APBB1: variants seen among roughly 807,000 people sequenced by gnomAD.
APBB1 encodes amyloid beta precursor protein binding family B member 1.
A neutral mutation model predicts 78.4 loss-of-function variants in APBB1; 22 were observed. The ratio of observed to expected loss-of-function variants is 0.28; its 90% CI spans 0.20 to 0.40. APBB1 has a LOEUF of 0.40. APBB1 is among the 10% of genes least tolerant of loss of function. The probability of loss-of-function intolerance (pLI) is 1.00; values close to 1 mark genes in which losing one functional copy is unlikely to be tolerated. For missense variants in APBB1, 749 were observed against 932.4 expected, an observed-to-expected ratio of 0.80 and a Z score of 2.56; for synonymous variants, 369 against 372.7, an observed-to-expected ratio of 0.99 and a Z score of 0.12.
At chr11:6,416,886 C>T (rs1354852085) in intron 1 of APBB1, among the ~76,000 whole-genome samples, 1 of 152,104 alleles carries the variant, frequency 6.6e-6, no homozygotes, top group Non-Finnish European at 1.5e-5. Flanking sequence ...GGATTACAGG[C>T]ACACACCACC....
At position 6,403,105 on chromosome 11, in the gene APBB1, A is replaced by T. The variant is rs1482495571; in HGVS notation, c.1104+40T>A. The T allele has an allele frequency of 6.4e-7, 1 of 1,559,500 alleles. No individual in the cohort carries two copies. Among genetic ancestry groups the T allele is most frequent in the Admixed American group, 1.9e-5 (1 of 52,756 alleles). Reference sequence around the variant, plus strand: ...CATTAGGGGCTGTCTGACAAATAAGAGGGCCCCAGACTCAGAATGGGTGTC... The same window carrying T: ...CATTAGGGGCTGTCTGACAAATAAGTGGGCCCCAGACTCAGAATGGGTGTC... On this transcript the variant is annotated intron_variant, in intron 6 of 14. Transcript: ENST00000609360. This position sits in a 1 kb window ranked among gnomAD's most constrained non-coding sequence, Gnocchi z 5.3.
At chr11:6,417,217 T>C (rs553081216) in intron 1 of APBB1, among the ~76,000 whole-genome samples, 55 of 152,348 alleles carry the variant, frequency 3.6e-4, no homozygotes, top group African/African-American at 1.1e-3. Context: ...TTTCCATGCT[T>C]CCTGGGACCT....
chr11:6,396,791 G>A (rs913766749), intron 12 of APBB1, among the ~76,000 whole-genome samples: 4 of 152,130 alleles, frequency 2.6e-5, no homozygotes, highest in African/African-American at 7.2e-5. Context: ...AGGTCACATC[G>A]AGGAATGGGG....
Position 6,401,833 on chromosome 11 carries a change from G to T in APBB1, c.1388+144C>A, listed in dbSNP as rs77776071. The T allele has an allele frequency of 5.3e-5, 75 of 1,423,210 alleles. No individual in the cohort carries two copies. Among genetic ancestry groups the T allele is most frequent in the Middle Eastern group, 1.7e-4 (1 of 5,784 alleles). The allele number at this position is 1,423,210 out of a possible 1,614,324, so 88.2% of individuals were successfully genotyped here. A position where few individuals can be genotyped will look rare whatever the true frequency, so the allele number is the denominator to read the frequency against. On this transcript the variant is annotated intron_variant, in intron 9 of 14. Coordinates refer to ENST00000609360, the MANE Select transcript of APBB1 (RefSeq NM_001164.5). This position sits in a 1 kb window ranked among gnomAD's most constrained non-coding sequence, Gnocchi z 4.5. Reference sequence around the variant, plus strand: ...TCCCCCATAGGTGCTGCCTTCTTGGGGGGGAGGGGTAGACAGGCAAGCATG... The same window carrying T: ...TCCCCCATAGGTGCTGCCTTCTTGGTGGGGAGGGGTAGACAGGCAAGCATG...
At chr11:6,407,208 G>A (rs542130913) in intron 2 of APBB1, among the ~76,000 whole-genome samples, 13 of 152,238 alleles carry the variant, frequency 8.5e-5, no homozygotes, top group Non-Finnish European at 1.3e-4. Flanking sequence ...CCCTTTCCTG[G>A]GCTGGCCCCC....
At chr11:6,405,744 C>T (rs1056232552) in intron 2 of APBB1, 22 of 924,716 alleles carry the variant, frequency 2.4e-5, no homozygotes, top group Non-Finnish European at 2.5e-5. Context: ...TCCTCACCCC[C>T]ACTTCCCCCT....
At chr11:6,402,789 T>G (rs1848594805) in intron 6 of APBB1, 64 bp from the exon 7 acceptor site, 2 of 1,590,756 alleles carry the variant, frequency 1.3e-6, no homozygotes, top group Non-Finnish European at 1.7e-6. Flanking sequence ...AGTTCCTGAC[T>G]ACAGAGTGTG....
intron 1 of APBB1, among the ~76,000 whole-genome samples, chr11:6,413,828 A>G (rs1849046347): frequency 6.6e-6 from 1 of 151,824 alleles, no homozygotes; most frequent in African/African-American, 2.4e-5. Context: ...TGCTACCCAC[A>G]CATCTGTAAG....
intron 2 of APBB1, among the ~76,000 whole-genome samples, chr11:6,408,643 T>TA (rs1404534999): frequency 7.2e-5 from 11 of 152,154 alleles, no homozygotes; most frequent in African/African-American, 2.7e-4. Flanking sequence ...TAGCTGGGAT[T>TA]ACAGGCGTTT....
At chr11:6,408,417 A>T (rs1848873332) in intron 2 of APBB1, among the ~76,000 whole-genome samples, 1 of 152,226 alleles carries the variant, frequency 6.6e-6, no homozygotes, top group African/African-American at 2.4e-5. Flanking sequence ...TGCTTTGGGA[A>T]GCCAAGGTAG....
intron 2 of APBB1, among the ~76,000 whole-genome samples, chr11:6,408,747 A>C (rs1054868008): frequency 1.3e-4 from 19 of 151,994 alleles, no homozygotes; most frequent in Admixed American, 3.3e-4. Flanking sequence ...CACGTGATCC[A>C]CCTGCCTCGG....
chr11:6,409,550 C>G (rs1848906542), intron 2 of APBB1, among the ~76,000 whole-genome samples: 1 of 152,090 alleles, frequency 6.6e-6, no homozygotes, highest in African/African-American at 2.4e-5. Flanking sequence ...TTGAAAATGT[C>G]CAGAATGAGT....
At chr11:6,415,756 C>T (rs964882163) in intron 1 of APBB1, among the ~76,000 whole-genome samples, 1 of 152,168 alleles carries the variant, frequency 6.6e-6, no homozygotes, top group African/African-American at 2.4e-5. Flanking sequence ...TCTCTCCTTC[C>T]CAAAACCAAC....
At chr11:6,413,235 G>T (rs17820573) in intron 1 of APBB1, among the ~76,000 whole-genome samples, 1 of 151,592 alleles carries the variant, frequency 6.6e-6, no homozygotes, top group African/African-American at 2.4e-5. Context: ...CTCCTCCCTC[G>T]ATGGCCTCAC....
At chr11:6,404,678 G>T (rs1485824601) in intron 2 of APBB1, 11 of 1,535,966 alleles carry the variant, frequency 7.2e-6, no homozygotes, top group Non-Finnish European at 5.2e-6. Flanking sequence ...CCGCTCATGC[G>T]TCCTCTAACT....
At chr11:6,409,113 A>C (rs531329986) in intron 2 of APBB1, among the ~76,000 whole-genome samples, 281 of 152,224 alleles carry the variant, frequency 1.8e-3, no homozygotes, top group African/African-American at 6.6e-3. Context: ...TCTGCCATCC[A>C]GGCTGGAATG....
At chr11:6,418,336 A>T (rs971468471) in intron 1 of APBB1, among the ~76,000 whole-genome samples, 2 of 152,178 alleles carry the variant, frequency 1.3e-5, no homozygotes, top group Non-Finnish European at 2.9e-5. Context: ...AGGGACACAG[A>T]GTGGAGTGCT....
In APBB1 at chr11:6,402,088, C is replaced by T; in HGVS notation, c.1376G>A (p.Ser459Asn). 3 of 1,614,034 alleles carry T rather than the reference C, an allele frequency of 1.9e-6. No homozygotes were observed. The highest frequency in any genetic ancestry group is 2.5e-6 in the Non-Finnish European group (3 of 1,179,938). ...SIRVWGVGRD[S>N]GRERDFAYVA... ...TCCCAAGCCCTATTCCCACCTTCCA[C>T]TGTCCCGCCCGACGCCCCACACGCG... The change falls in exon 8 of 15, where the codon AGT (serine) becomes AAT (asparagine). Residue 459 changes from serine (S) to asparagine (N), a missense_variant. Transcript: ENST00000609360.
chr11:6,406,391 A>G (rs1446347369), intron 2 of APBB1, among the ~76,000 whole-genome samples: 1 of 150,936 alleles, frequency 6.6e-6, no homozygotes, highest in Non-Finnish European at 1.5e-5. Context: ...CCAGGCTACT[A>G]GCTTTTTTTT....
Sources: gnomAD v4.1 joint callset for allele counts (sites outside exome capture counted in the v4.1 genomes callset) on GRCh38, gnomAD v4.1.1 for gene constraint, Gnocchi (gnomAD v3.1) non-coding constraint, MANE v1.5 for transcripts, NCBI Gene and HGNC (gene_info 2026-07-23, HGNC 2026-07-21) for gene names.